The following SLIT3 variants were observed in gnomAD, a reference collection of about 807,000 sequenced individuals.
SLIT3 encodes slit guidance ligand 3, also known as slit homolog 3 protein.
A neutral mutation model predicts 184.0 loss-of-function variants in SLIT3; 68 were observed. The observed-to-expected ratio is 0.37, with a 90% CI of 0.30 to 0.45. The LOEUF (loss-of-function observed/expected upper bound fraction) is 0.45, where lower values mean the gene tolerates loss of function less well. SLIT3 is among the 20% of genes least tolerant of loss of function. The pLI, the probability that SLIT3 is intolerant of heterozygous loss-of-function variation, is 1.00. For synonymous variants in SLIT3, 831 were observed against 828.6 expected (o/e 1.00, Z -0.05); for missense variants, 1,707 against 2,026.0 (o/e 0.84, Z 3.02).
intron 5 of SLIT3, among the ~76,000 whole-genome samples, chr5:168,869,366 T>C (rs184459686): frequency 7.0e-4 from 106 of 152,332 alleles, no homozygotes; most frequent in Middle Eastern, 3.4e-3. Flanking sequence ...CACTTTTGTA[T>C]GCCTCCGTTT....
chr5:169,140,956 T>C (rs896361826), intron 4 of SLIT3, among the ~76,000 whole-genome samples: 2 of 152,206 alleles, frequency 1.3e-5, no homozygotes, highest in African/African-American at 4.8e-5. Flanking sequence ...CCAATCTCCA[T>C]CTTGTCATCT....
At chr5:169,036,380 A>G (rs1757249231) in intron 4 of SLIT3, 1 of 152,234 alleles carries the variant, frequency 6.6e-6, no homozygotes, top group Non-Finnish European at 1.5e-5. Flanking sequence ...GAGAAGCTTC[A>G]GCCAGTTGTT....
intron 3 of SLIT3, among the ~76,000 whole-genome samples, chr5:169,194,319 T>C (rs1763672535): frequency 6.8e-6 from 1 of 147,124 alleles, no homozygotes; most frequent in African/African-American, 2.5e-5. Context: ...TCCTAAACAG[T>C]GATTGTGGGA....
chr5:169,224,691 T>G (rs1016270545), intron 3 of SLIT3, among the ~76,000 whole-genome samples: 2 of 151,926 alleles, frequency 1.3e-5, no homozygotes, highest in Non-Finnish European at 2.9e-5. Context: ...AAATTATTAT[T>G]ATTCTTTCTT....
intron 3 of SLIT3, among the ~76,000 whole-genome samples, chr5:169,229,141 T>G (rs1172353220): frequency 6.6e-6 from 1 of 151,900 alleles, no homozygotes; most frequent in African/African-American, 2.4e-5. Flanking sequence ...ATTCAAAACT[T>G]GGCTGACATA....
intron 4 of SLIT3, among the ~76,000 whole-genome samples, chr5:168,913,902 G>A (rs1162071097): frequency 1.3e-5 from 2 of 151,968 alleles, no homozygotes; most frequent in African/African-American, 2.4e-5. Flanking sequence ...TGCATATACT[G>A]GTATATATAC....
At chr5:168,975,530 C>T (rs895684377) in intron 4 of SLIT3, among the ~76,000 whole-genome samples, 8 of 151,960 alleles carry the variant, frequency 5.3e-5, no homozygotes, top group African/African-American at 1.7e-4. Flanking sequence ...CACACATGGG[C>T]ACGTATCTAT....
intron 6 of SLIT3, among the ~76,000 whole-genome samples, chr5:168,843,150 G>A (rs1045427728): frequency 1.1e-4 from 16 of 152,018 alleles, no homozygotes; most frequent in Non-Finnish European, 1.9e-4. Context: ...GGGAATTCTC[G>A]GCTTTCATCC....
chr5:169,242,525 T>C (rs1026706571), intron 3 of SLIT3, among the ~76,000 whole-genome samples: 4 of 152,222 alleles, frequency 2.6e-5, no homozygotes, highest in Admixed American at 2.6e-4. Flanking sequence ...TGCTGTTTTC[T>C]CTTCTCCTGG....
intron 20 of SLIT3, among the ~76,000 whole-genome samples, chr5:168,738,799 G>T (rs1372974521): frequency 6.6e-6 from 1 of 152,008 alleles, no homozygotes; most frequent in Non-Finnish European, 1.5e-5. Context: ...TTAGCCGGGC[G>T]CGGTGGCGGG....
chr5:168,986,809 G>A (rs1755147122), intron 4 of SLIT3, among the ~76,000 whole-genome samples: 1 of 152,194 alleles, frequency 6.6e-6, no homozygotes. Flanking sequence ...AGACCTTGCA[G>A]GGCCTTTGCA....
At chr5:168,985,685 G>A (rs983854513) in intron 4 of SLIT3, among the ~76,000 whole-genome samples, 10 of 152,206 alleles carry the variant, frequency 6.6e-5, no homozygotes, top group African/African-American at 1.7e-4. Context: ...GGGAGCAGAT[G>A]TGCTCACAGG....
intron 1 of SLIT3, among the ~76,000 whole-genome samples, chr5:169,278,385 A>G (rs769023366): frequency 7.2e-5 from 11 of 152,186 alleles, no homozygotes; most frequent in Non-Finnish European, 1.0e-4. Flanking sequence ...GGCTAAACAG[A>G]CTGGCCTGAA....
intron 14 of SLIT3, among the ~76,000 whole-genome samples, chr5:168,770,083 C>T (rs1755493162): frequency 1.3e-5 from 2 of 152,216 alleles, no homozygotes; most frequent in South Asian, 4.1e-4. Flanking sequence ...CAGCACCCTG[C>T]AACTGCCAAG....
At chr5:169,253,564 G>A (rs1011252824) in intron 1 of SLIT3, among the ~76,000 whole-genome samples, 6 of 152,152 alleles carry the variant, frequency 3.9e-5, no homozygotes, top group Non-Finnish European at 5.9e-5. Context: ...ATTTACAAAT[G>A]AGGCTGACAA....
chr5:168,842,303 A>G (rs1298664615), intron 6 of SLIT3, among the ~76,000 whole-genome samples: 1 of 152,166 alleles, frequency 6.6e-6, no homozygotes, highest in African/African-American at 2.4e-5. Context: ...TGTCTTTAAA[A>G]CAAAGCTATT....
chr5:168,835,266 CA>C (rs1561958562), intron 6 of SLIT3, among the ~76,000 whole-genome samples: 1 of 151,910 alleles, frequency 6.6e-6, no homozygotes. Flanking sequence ...TATTTGTAAA[CA>C]AAAAAATTAA....
At chr5:169,129,756 A>G (rs1362209828) in intron 4 of SLIT3, among the ~76,000 whole-genome samples, 1 of 152,216 alleles carries the variant, frequency 6.6e-6, no homozygotes, top group Non-Finnish European at 1.5e-5. Context: ...TGGGAAAACC[A>G]GTGACACCAA....
chr5:169,004,201 C>A (rs990344632), intron 4 of SLIT3, among the ~76,000 whole-genome samples: 1 of 152,006 alleles, frequency 6.6e-6, no homozygotes, highest in East Asian at 1.9e-4. Flanking sequence ...CAACACGAAA[C>A]CCGAAGGGCT....
Sources: gnomAD v4.1 joint callset for allele counts (sites outside exome capture counted in the v4.1 genomes callset) on GRCh38, gnomAD v4.1.1 for gene constraint, MANE v1.5 for transcripts, NCBI Gene and HGNC (gene_info 2026-07-23, HGNC 2026-07-21) for gene names.